PDE1C: variants seen among roughly 807,000 people sequenced by gnomAD.
PDE1C encodes the protein dual specificity calcium/calmodulin-dependent 3',5'-cyclic nucleotide phosphodiesterase 1C.
Under a neutral mutation model 93.1 loss-of-function variants are expected in PDE1C, and 62 were observed. The ratio of observed to expected loss-of-function variants is 0.67; its 90% CI spans 0.54 to 0.82. The LOEUF (loss-of-function observed/expected upper bound fraction) is 0.82, where lower values mean the gene tolerates loss of function less well. Among genes scored for constraint, PDE1C ranks in the 40% least tolerant of loss-of-function variants. PDE1C has a pLI of 0.00. For missense variants in PDE1C, 742 were observed against 884.6 expected (o/e 0.84, Z 2.04); for synonymous variants, 325 against 310.1 (o/e 1.05, Z -0.50).
chr7:31,881,021 T>C (rs1464515400), intron 2 of PDE1C, among the ~76,000 whole-genome samples, 161 bp from the exon 3 acceptor site: 1 of 152,178 alleles, frequency 6.6e-6, no homozygotes, highest in Non-Finnish European at 1.5e-5. Context: ...ATAAAATAAA[T>C]GTATACATTT....
intron 1 of PDE1C, among the ~76,000 whole-genome samples, chr7:32,263,033 T>C (rs888627182): frequency 2.0e-5 from 3 of 152,180 alleles, no homozygotes; most frequent in African/African-American, 4.8e-5. Context: ...AGAGTCCAGT[T>C]TCCTCCTTTC....
At chr7:32,071,735 C>G (rs1341000253), upstream of PDE1C, among the ~76,000 whole-genome samples, 1 of 151,976 alleles carries the variant, frequency 6.6e-6, no homozygotes, top group Admixed American at 6.6e-5. Flanking sequence ...AAGAACGGGA[C>G]CAGGTATGAA....
intron 2 of PDE1C, among the ~76,000 whole-genome samples, chr7:31,897,792 T>C (rs149813831): frequency 6.6e-6 from 1 of 152,318 alleles, no homozygotes; most frequent in Non-Finnish European, 1.5e-5. Flanking sequence ...GCTCATTAAT[T>C]CTTCTATATT....
At chr7:32,066,921 G>C (rs1795472935) in intron 1 of PDE1C, among the ~76,000 whole-genome samples, 1 of 152,160 alleles carries the variant, frequency 6.6e-6, no homozygotes, top group African/African-American at 2.4e-5. Flanking sequence ...GAAAGCTCAG[G>C]TGTGCAGTAT....
the PDE1C span, among the ~76,000 whole-genome samples, chr7:31,671,293 G>C: frequency 6.6e-6 from 1 of 152,150 alleles, no homozygotes. Flanking sequence ...GGCCAGCATG[G>C]ATTCGTTCCT....
At position 32,398,391 on chromosome 7, in the gene PDE1C, AT is replaced by A. The variant is rs573467973; in HGVS notation, c.310+29430del. On this transcript the variant is annotated intron_variant, in intron 1 of 1. Coordinates refer to the PDE1C transcript ENST00000672256. ...CCAAGATCACTTGGTAGGAACTGTG[AT>A]TTTTTTTTTCTTTTGAGACAGAGTC... Among the ~76,000 whole-genome samples, 16 of 148,524 alleles carry A rather than the reference AT, an allele frequency of 1.1e-4. No homozygotes were observed. In the South Asian group the frequency reaches 1.5e-3, roughly 14 times the overall value.
At chr7:31,793,957 A>G (rs1784881262) in intron 16 of PDE1C, among the ~76,000 whole-genome samples, 1 of 151,946 alleles carries the variant, frequency 6.6e-6, no homozygotes, top group South Asian at 2.1e-4. Context: ...AAAATAAAAC[A>G]GAAGGACAGA....
chr7:31,912,149 T>C (rs1337194088), intron 2 of PDE1C, among the ~76,000 whole-genome samples: 1 of 152,116 alleles, frequency 6.6e-6, no homozygotes, highest in Non-Finnish European at 1.5e-5. Context: ...CCATGATCAG[T>C]AAGGAGGAGA....
intron 2 of PDE1C, among the ~76,000 whole-genome samples, chr7:31,925,039 C>CTGTGTGTGTGTG (rs70989622): frequency 8.9e-5 from 12 of 135,294 alleles, no homozygotes; most frequent in African/African-American, 3.3e-4. Flanking sequence ...GTAGACATTT[C>CTGTGTGTGTGTG]TGTGTGTGTG....
rs187304109 is a variant in PDE1C, at chr7:31,863,960, T to C, written c.750+982A>G. On this transcript the variant is annotated intron_variant, in intron 7 of 17. Coordinates refer to ENST00000396191, the MANE Select transcript of PDE1C (RefSeq NM_001191057.4). Reference sequence around the variant, plus strand: ...ATTCAGTGAGATATTAGGCCAAGTCTTTCAACAGTCACTGGAGGAAAAGAT... The same window carrying C: ...ATTCAGTGAGATATTAGGCCAAGTCCTTCAACAGTCACTGGAGGAAAAGAT... Among the ~76,000 whole-genome samples, 5 of 152,306 alleles carry C rather than the reference T, an allele frequency of 3.3e-5. No homozygotes were observed. In the East Asian group the frequency reaches 7.7e-4, roughly 24 times the overall value.
At chr7:31,894,282 C>T (rs1247139063) in intron 2 of PDE1C, among the ~76,000 whole-genome samples, 5 of 152,200 alleles carry the variant, frequency 3.3e-5, no homozygotes, top group African/African-American at 9.7e-5. Context: ...GGTGATGCTC[C>T]GTGCTCTGGG....
chr7:31,838,097 G>A (rs1347529462), intron 9 of PDE1C, 126 bp from the exon 10 acceptor site: 4 of 663,720 alleles, frequency 6.0e-6, no homozygotes, highest in Non-Finnish European at 1.1e-5. Flanking sequence ...ATCTAATTTG[G>A]GTCTTTAAGG....
intron 2 of PDE1C, among the ~76,000 whole-genome samples, chr7:31,925,022 GC>G (rs1803166123): frequency 6.6e-6 from 1 of 150,504 alleles, no homozygotes; most frequent in South Asian, 2.1e-4. Flanking sequence ...CCTTGAAGGA[GC>G]TAAAAGTAGA....
chr7:32,192,650 A>G (rs1804314913), intron 2 of PDE1C, among the ~76,000 whole-genome samples: 1 of 152,128 alleles, frequency 6.6e-6, no homozygotes, highest in Admixed American at 6.5e-5. Flanking sequence ...CTTTTTAAAA[A>G]TGGTTTAACT....
In PDE1C at chr7:32,417,142, G is replaced by A. The variant is rs186859415; in HGVS notation, c.310+10680C>T. On this transcript the variant is annotated intron_variant, in intron 1 of 1. Transcript: ENST00000672256. ...GAGAAGCATTTACCACGAGCTGAGC[G>A]GTCCCAGGGAGCATAGTCAGTTCTG... is the stretch of plus-strand genomic sequence containing the variant. Among the ~76,000 whole-genome samples, 11 of 152,250 alleles carry A rather than the reference G, an allele frequency of 7.2e-5. No homozygotes were observed. The East Asian group carries it at 9.7e-4, about 13-fold the overall frequency.
intron 2 of PDE1C, among the ~76,000 whole-genome samples, chr7:31,886,851 T>G (rs62456026): frequency 2.0e-3 from 21 of 10,628 alleles, no homozygotes; most frequent in South Asian, 5.9e-3. Flanking sequence ...TTTCGGATCT[T>G]TTCAGAATAG....
chr7:31,639,382 TC>T, the PDE1C span, among the ~76,000 whole-genome samples: 2 of 134,050 alleles, frequency 1.5e-5, no homozygotes, highest in Non-Finnish European at 3.1e-5. Flanking sequence ...GCTATATATA[TC>T]CAGTATAAAT....
At chr7:32,182,584 T>C (rs1359677762) in intron 2 of PDE1C, among the ~76,000 whole-genome samples, 2 of 152,190 alleles carry the variant, frequency 1.3e-5, no homozygotes, top group Non-Finnish European at 2.9e-5. Context: ...AAAAGACCTT[T>C]GACGAAATTC....
the PDE1C span, among the ~76,000 whole-genome samples, chr7:31,620,393 G>A: frequency 6.6e-6 from 1 of 151,804 alleles, no homozygotes; most frequent in East Asian, 1.9e-4. Context: ...ACACGGCCGG[G>A]TACTCCTCTG....
Sources: gnomAD v4.1 joint callset for allele counts (sites outside exome capture counted in the v4.1 genomes callset) on GRCh38, gnomAD v4.1.1 for gene constraint, MANE v1.5 for transcripts, NCBI Gene and HGNC (gene_info 2026-07-23, HGNC 2026-07-21) for gene names.